The following SLC35F3 variants were observed in gnomAD, a reference collection of about 807,000 sequenced individuals.
SLC35F3 encodes the protein solute carrier family 35 member F3, also known as putative thiamine transporter SLC35F3.
A neutral mutation model predicts 49.9 loss-of-function variants in SLC35F3; 25 were observed. That is an observed-to-expected ratio of 0.50 (90% CI 0.37 to 0.70). The LOEUF is 0.70. SLC35F3 is among the 30% of genes least tolerant of loss of function. SLC35F3 has a pLI of 0.00. For missense variants in SLC35F3, 525 were observed against 639.8 expected (o/e 0.82, Z 1.94); for synonymous variants, 275 against 265.4 (o/e 1.04, Z -0.35).
At chr1:234,002,716 A>G (rs1424338527) in intron 2 of SLC35F3, among the ~76,000 whole-genome samples, 1 of 152,148 alleles carries the variant, frequency 6.6e-6, no homozygotes, top group Non-Finnish European at 1.5e-5. Context: ...GGAAGTTGCT[A>G]TGCATAGCCC....
chr1:233,938,626 A>G (rs543612788), intron 2 of SLC35F3, among the ~76,000 whole-genome samples: 72 of 152,194 alleles, frequency 4.7e-4, no homozygotes, highest in African/African-American at 1.7e-3. Flanking sequence ...AGATGGATGG[A>G]TAGATGGATG....
rs771414755 is a variant in SLC35F3, at chr1:234,309,340, T to A, written c.828+20T>A. ...GTGAGGGTAAGTTCCTTATTATCTGTCTTCCTCCCTCACTCAGTCATGTCA... is the reference window on the plus strand; with the variant it reads ...GTGAGGGTAAGTTCCTTATTATCTGACTTCCTCCCTCACTCAGTCATGTCA... On this transcript the variant is annotated intron_variant, in intron 4 of 7. Coordinates refer to ENST00000366618, the MANE Select transcript of SLC35F3 (RefSeq NM_173508.4). The A allele has an allele frequency of 6.2e-7, 1 of 1,608,048 alleles. No individual in the cohort carries two copies. The highest frequency in any genetic ancestry group is 8.5e-7 in the Non-Finnish European group (1 of 1,175,112).
intron 2 of SLC35F3, among the ~76,000 whole-genome samples, chr1:234,227,122 C>T (rs562270619): frequency 1.3e-5 from 2 of 152,174 alleles, no homozygotes; most frequent in African/African-American, 4.8e-5. Flanking sequence ...TCCACAATTA[C>T]AGCGTCTGTC....
intron 2 of SLC35F3, among the ~76,000 whole-genome samples, chr1:234,098,751 T>TGGA: frequency 1.4e-5 from 2 of 147,304 alleles, no homozygotes; most frequent in Non-Finnish European, 3.0e-5. Flanking sequence ...TATAGGGTGA[T>TGGA]GGTGGTGACT....
chr1:233,943,190 C>A (rs1662456022), intron 2 of SLC35F3, among the ~76,000 whole-genome samples: 4 of 152,188 alleles, frequency 2.6e-5, no homozygotes, highest in Admixed American at 2.0e-4. Flanking sequence ...CTGTGACATT[C>A]ATTTCCTATG....
chr1:233,990,927 G>C (rs1000504540), intron 2 of SLC35F3, among the ~76,000 whole-genome samples: 1 of 152,194 alleles, frequency 6.6e-6, no homozygotes. Context: ...TGATGATGGT[G>C]ATGCAGCCTG....
intron 2 of SLC35F3, among the ~76,000 whole-genome samples, chr1:233,944,853 C>T (rs1892298): frequency 0.27 from 40,136 of 150,068 alleles, 6,729 homozygotes; most frequent in East Asian, 0.47. Flanking sequence ...GATGCTCTTA[C>T]GATTGTAGAG....
At chr1:234,042,864 C>T (rs570730485) in intron 2 of SLC35F3, among the ~76,000 whole-genome samples, 1 of 152,288 alleles carries the variant, frequency 6.6e-6, no homozygotes, top group East Asian at 1.9e-4. Context: ...CCTGCTTTGA[C>T]GAGCAGCCGT....
chr1:234,227,953 A>G (rs754268237), intron 2 of SLC35F3, among the ~76,000 whole-genome samples: 23 of 152,216 alleles, frequency 1.5e-4, no homozygotes, highest in Admixed American at 5.2e-4. Context: ...TGCATTTCCA[A>G]TAGTAGAAAA....
rs35494872 is a variant in SLC35F3 at position 233,961,455 on chromosome 1, C to CT, written c.283+55713dup. On this transcript the variant is annotated intron_variant, in intron 2 of 7. Transcript: ENST00000366618. Reference sequence around the variant, plus strand: ...TCAGCTTTCTTTTTTTTTTTCCTCTCTTTTTTTTTTTTTTTTCTTGAGACA... The same window carrying CT: ...TCAGCTTTCTTTTTTTTTTTCCTCTCTTTTTTTTTTTTTTTTTCTTGAGACA... 0.016 allele frequency among the ~76,000 whole-genome samples: 2,151 copies of CT among 130,418 alleles called. 110 individuals carry two copies. The East Asian group carries it at 0.18, about 11-fold the overall frequency. 85.6% of individuals were successfully genotyped at this position (130,418 alleles called of 152,430 possible).
chr1:234,285,338 C>T, intron 3 of SLC35F3: 2 of 484,482 alleles, frequency 4.1e-6, no homozygotes, highest in South Asian at 3.0e-5. Flanking sequence ...AATACATCCG[C>T]AGGGTTCAGA....
chr1:234,165,511 G>A (rs1298903780), intron 2 of SLC35F3, among the ~76,000 whole-genome samples: 1 of 152,006 alleles, frequency 6.6e-6, no homozygotes, highest in Non-Finnish European at 1.5e-5. Flanking sequence ...ATAAAATAGT[G>A]GATCTCAAAA....
At chr1:234,011,354 T>G (rs549549310) in intron 2 of SLC35F3, among the ~76,000 whole-genome samples, 2 of 152,330 alleles carry the variant, frequency 1.3e-5, no homozygotes, top group Non-Finnish European at 1.5e-5. Flanking sequence ...ACTGCATTGT[T>G]TATTCCTCTG....
chr1:233,953,053 A>G (rs564135859), intron 2 of SLC35F3, among the ~76,000 whole-genome samples: 81 of 152,326 alleles, frequency 5.3e-4, no homozygotes, highest in African/African-American at 1.9e-3. Context: ...GACAATGTGA[A>G]AAAAGAGCTT....
intron 2 of SLC35F3, among the ~76,000 whole-genome samples, chr1:234,190,356 A>C (rs565578711): frequency 1.3e-5 from 2 of 152,370 alleles, no homozygotes; most frequent in East Asian, 3.9e-4. Context: ...ACATAAACTT[A>C]AGGTAAAGGG....
chr1:234,065,016 A>G (rs1664597170), intron 2 of SLC35F3, among the ~76,000 whole-genome samples: 1 of 152,250 alleles, frequency 6.6e-6, no homozygotes, highest in South Asian at 2.1e-4. Flanking sequence ...ATAACAAAAC[A>G]TGGAGCATGA....
rs1260570538 is a variant in SLC35F3 at position 234,116,411 on chromosome 1, AG to A, written c.284-115003del. Among the ~76,000 whole-genome samples the A allele has an allele frequency of 3.8e-4, 58 of 152,194 alleles. 1 individual carries two copies. The highest frequency in any genetic ancestry group is 3.7e-3 in the Admixed American group (57 of 15,278). On this transcript the variant is annotated intron_variant, in intron 2 of 7. Transcript: ENST00000366618. Reference sequence around the variant, plus strand: ...ATTTCTTATTAAGTCACAAGACCACAGGGCTATGTTATTATCATTATTTATT... The same window carrying A: ...ATTTCTTATTAAGTCACAAGACCACAGGCTATGTTATTATCATTATTTATT...
intron 2 of SLC35F3, among the ~76,000 whole-genome samples, chr1:234,037,427 T>A (rs1481713893): frequency 6.6e-6 from 1 of 152,134 alleles, no homozygotes; most frequent in Non-Finnish European, 1.5e-5. Context: ...CTTCCAACAT[T>A]GGTATCACAT....
At chr1:234,312,239 C>T (rs1390259519) in intron 4 of SLC35F3, among the ~76,000 whole-genome samples, 5 of 152,070 alleles carry the variant, frequency 3.3e-5, no homozygotes, top group Admixed American at 2.0e-4. Flanking sequence ...TGAGATTCTC[C>T]GATTGTTCAG....
Sources: allele counts gnomAD v4.1 joint callset (sites outside exome capture counted in the v4.1 genomes callset), GRCh38; gene constraint gnomAD v4.1.1; transcripts MANE v1.5; gene names NCBI Gene and HGNC (gene_info 2026-07-23, HGNC 2026-07-21).